The following HIP1 variants were observed in gnomAD, a reference collection of about 807,000 sequenced individuals.
The protein encoded by HIP1 is huntingtin-interacting protein 1.
A neutral mutation model predicts 147.6 loss-of-function variants in HIP1; 65 were observed. That is an observed-to-expected ratio of 0.44 (90% CI 0.36 to 0.54). HIP1 has a LOEUF of 0.54. Ranked by LOEUF, HIP1 falls within the 20% of genes least tolerant of loss-of-function variation. The probability of loss-of-function intolerance (pLI) is 0.00; values close to 1 mark genes in which losing one functional copy is unlikely to be tolerated. For missense variants in HIP1, 1,061 were observed against 1,299.6 expected (o/e 0.82, Z 2.82); for synonymous variants, 479 against 504.0 (o/e 0.95, Z 0.67).
At chr7:75,588,194 T>A (rs1480740671) in intron 4 of HIP1, among the ~76,000 whole-genome samples, 1 of 152,144 alleles carries the variant, frequency 6.6e-6, no homozygotes, top group Non-Finnish European at 1.5e-5. Flanking sequence ...GTGATCTCAA[T>A]CGAAGCAAAT....
chr7:75,539,621 A>C (rs1300057789), intron 29 of HIP1, among the ~76,000 whole-genome samples, 190 bp from the exon 30 acceptor site: 1 of 152,146 alleles, frequency 6.6e-6, no homozygotes, highest in Non-Finnish European at 1.5e-5. Flanking sequence ...TGCCCAGCCT[A>C]CATCTATCTT....
At chr7:75,551,943 G>A (rs1554492234) in intron 22 of HIP1, among the ~76,000 whole-genome samples, 1 of 151,888 alleles carries the variant, frequency 6.6e-6, no homozygotes, top group Non-Finnish European at 1.5e-5. Context: ...AGGTTGGAGT[G>A]CAAAGGCACG....
chr7:75,595,228 CT>C lies in HIP1; in HGVS notation c.185-2715del, dbSNP rs1371098299. Among the ~76,000 whole-genome samples the C allele has an allele frequency of 3.7e-3, 387 of 105,838 alleles. 1 individual carries two copies. Among genetic ancestry groups the C allele is most frequent in the African/African-American group, 0.015 (342 of 22,106 alleles). 69.4% of individuals were successfully genotyped at this position (105,838 alleles called of 152,430 possible). A position where few individuals can be genotyped will look rare whatever the true frequency, so the allele number is the denominator to read the frequency against. Reference sequence around the variant, plus strand: ...TCTTTCTTTCTTTCTTTCTTTCTTTCTTTCTTTCTTTCTTTCTTTCTTTCTT... The same window carrying C: ...TCTTTCTTTCTTTCTTTCTTTCTTTCTTCTTTCTTTCTTTCTTTCTTTCTT... On this transcript the variant is annotated intron_variant, in intron 2 of 30. Coordinates refer to ENST00000336926, the MANE Select transcript of HIP1 (RefSeq NM_005338.7).
intron 1 of HIP1, among the ~76,000 whole-genome samples, chr7:75,661,348 G>A (rs193300395): frequency 4.0e-5 from 6 of 151,234 alleles, no homozygotes; most frequent in East Asian, 2.0e-4. Context: ...CAAGGCAGTC[G>A]GATCACCTGA....
intron 19 of HIP1, 59 bp from the exon 20 acceptor site, chr7:75,554,585 G>T: frequency 1.6e-6 from 2 of 1,284,394 alleles, no homozygotes; most frequent in Non-Finnish European, 1.1e-6. Context: ...CTTCATCCTC[G>T]TTAATTAAGC....
chr7:75,557,889 C>T lies in HIP1; in HGVS notation c.1465-119G>A, dbSNP rs373550702. The T allele has an allele frequency of 3.1e-5, 24 of 765,940 alleles. No homozygotes were observed. In the East Asian group the frequency reaches 4.2e-4, roughly 13 times the overall value. The allele number at this position is 765,940 out of a possible 1,614,324, so 47.4% of individuals were successfully genotyped here. A position where few individuals can be genotyped will look rare whatever the true frequency, so the allele number is the denominator to read the frequency against. On this transcript the variant is annotated intron_variant, in intron 15 of 30. Transcript: ENST00000336926. ...AGAGTCAGACACAGGAATCACTTTC[C>T]TACCCACAGCCGGAACAGAGCCATC... is the stretch of plus-strand genomic sequence containing the variant.
In HIP1 at chr7:75,561,339, A is replaced by C; in HGVS notation, c.1181T>G (p.Met394Arg). The C allele has an allele frequency of 2.5e-6, 4 of 1,610,272 alleles. No individual in the cohort carries two copies. Among genetic ancestry groups the C allele is most frequent in the Non-Finnish European group, 2.6e-6 (3 of 1,176,454 alleles). Residue 394 changes from methionine (M) to arginine (R), a missense_variant, in exon 13 of 31, where the codon ATG becomes AGG. Physicochemically the swap from Met to Arg is moderately conservative, Grantham distance 91. This residue lies in a region of HIP1 where 810 missense variants were observed against 946.8 expected (regional missense o/e 0.86). Transcript: ENST00000336926. ...AGATCCAAGTTATACCTCAGTCTTC[A>C]TGTTTTCTAGCTGTGCCTTCAATCC... is the stretch of plus-strand genomic sequence containing the variant. ...ISGLKAQLEN[M>R]KTESQRVVLQ...
chr7:75,546,203 TAA>T (rs61307928), intron 25 of HIP1, among the ~76,000 whole-genome samples: 1 of 151,450 alleles, frequency 6.6e-6, no homozygotes, highest in African/African-American at 2.4e-5. Flanking sequence ...GTGAATACAT[TAA>T]AAAAAAATAT....
At chr7:75,657,741 G>A (rs2117203846) in intron 1 of HIP1, among the ~76,000 whole-genome samples, 1 of 151,978 alleles carries the variant, frequency 6.6e-6, no homozygotes, top group African/African-American at 2.4e-5. Flanking sequence ...ACTCCAAAAG[G>A]CAGGAGGGAA....
chr7:75,548,858 A>T (rs782728000), intron 23 of HIP1, 33 bp downstream of exon 23: 3 of 1,468,106 alleles, frequency 2.0e-6, no homozygotes, highest in Middle Eastern at 1.7e-4. Context: ...CTGCAAAGGC[A>T]TCGTTTCAGG....
At chr7:75,584,546 G>C (rs1796182503) in intron 5 of HIP1, among the ~76,000 whole-genome samples, 1 of 152,066 alleles carries the variant, frequency 6.6e-6, no homozygotes, top group African/African-American at 2.4e-5. Flanking sequence ...CATCCTCTTC[G>C]ACCCCAGTTC....
intron 1 of HIP1, among the ~76,000 whole-genome samples, chr7:75,737,611 G>T (rs1802067254): frequency 6.6e-6 from 1 of 152,106 alleles, no homozygotes; most frequent in Non-Finnish European, 1.5e-5. Flanking sequence ...CTCCCAAAGT[G>T]CTGGGATTAC....
At chr7:75,589,351 T>A (rs587630924) in intron 4 of HIP1, among the ~76,000 whole-genome samples, 4 of 151,234 alleles carry the variant, frequency 2.6e-5, no homozygotes, top group African/African-American at 9.7e-5. Flanking sequence ...TTTAGAGACA[T>A]GAGGGGTAGG....
At chr7:75,699,728 G>A (rs977877914) in intron 1 of HIP1, among the ~76,000 whole-genome samples, 1 of 152,164 alleles carries the variant, frequency 6.6e-6, no homozygotes, top group Non-Finnish European at 1.5e-5. Flanking sequence ...CCGGGTCCAG[G>A]CCTACCAGAC....
At chr7:75,634,785 TA>T (rs1387608813) in intron 1 of HIP1, among the ~76,000 whole-genome samples, 30 of 151,090 alleles carry the variant, frequency 2.0e-4, no homozygotes, top group Admixed American at 1.9e-3. Flanking sequence ...ATAAATAAAA[TA>T]AAAATTAGCC....
chr7:75,704,137 G>A (rs1240834716), intron 1 of HIP1, among the ~76,000 whole-genome samples: 1 of 152,150 alleles, frequency 6.6e-6, no homozygotes, highest in African/African-American at 2.4e-5. Context: ...CAGAATATAA[G>A]CTCCACCAAA....
intron 1 of HIP1, among the ~76,000 whole-genome samples, chr7:75,624,337 G>A (rs935044465): frequency 5.3e-5 from 8 of 152,164 alleles, no homozygotes; most frequent in African/African-American, 9.7e-5. Context: ...TCGGCTGCAC[G>A]GCTGTGACGT....
chr7:75,593,185 T>C (rs1314330865), intron 2 of HIP1, among the ~76,000 whole-genome samples: 1 of 152,146 alleles, frequency 6.6e-6, no homozygotes, highest in Non-Finnish European at 1.5e-5. Context: ...CCCAGGCTGG[T>C]CTCAAGCTCC....
intron 13 of HIP1, 93 bp downstream of exon 13, chr7:75,561,236 G>A: frequency 1.1e-6 from 1 of 941,682 alleles, no homozygotes; most frequent in Non-Finnish European, 1.8e-6. Context: ...TTACAGGTGT[G>A]AGCCACTGTG....
Sources: allele counts gnomAD v4.1 joint callset (sites outside exome capture counted in the v4.1 genomes callset), GRCh38; gene constraint gnomAD v4.1.1; regional missense constraint gnomAD v4.1.1; transcripts MANE v1.5; gene names NCBI Gene and HGNC (gene_info 2026-07-23, HGNC 2026-07-21).